NRXN1: variants seen among roughly 807,000 people sequenced by gnomAD.
The protein encoded by NRXN1 is neurexin 1.
Under a neutral mutation model 150.9 loss-of-function variants are expected in NRXN1, and 39 were observed. That is an observed-to-expected ratio of 0.26 (90% CI 0.20 to 0.34). NRXN1 has a LOEUF of 0.34. Ranked by LOEUF, NRXN1 falls within the 10% of genes least tolerant of loss-of-function variation. The pLI is 1.00. For synonymous variants in NRXN1, 924 were observed against 757.0 expected, an observed-to-expected ratio of 1.22 and a Z score of -3.62; for missense variants, 1,815 against 1,949.9, an observed-to-expected ratio of 0.93 and a Z score of 1.30.
intron 17 of NRXN1, among the ~76,000 whole-genome samples, chr2:50,454,765 T>C (rs1015125362): frequency 3.3e-5 from 5 of 151,214 alleles, no homozygotes; most frequent in African/African-American, 1.2e-4. Context: ...TTAATAAGTG[T>C]TATGAGAAAT....
chr2:50,370,188 C>T (rs575437169), intron 17 of NRXN1, among the ~76,000 whole-genome samples: 6 of 152,096 alleles, frequency 3.9e-5, no homozygotes, highest in African/African-American at 7.2e-5. Context: ...ATTGCAAATA[C>T]ATTAGGGCAG....
chr2:50,678,841 G>C, intron 5 of NRXN1, among the ~76,000 whole-genome samples: 1 of 152,048 alleles, frequency 6.6e-6, no homozygotes. Context: ...TGATTGAGCA[G>C]AGCAAATTAG....
At chr2:50,131,266 A>G (rs1364293571) in intron 18 of NRXN1, among the ~76,000 whole-genome samples, 1 of 152,200 alleles carries the variant, frequency 6.6e-6, no homozygotes, top group Non-Finnish European at 1.5e-5. Flanking sequence ...TTTGTCCCAG[A>G]GCATCTTAAA....
intron 2 of NRXN1, among the ~76,000 whole-genome samples, chr2:50,944,234 G>C (rs1489719709): frequency 1.3e-5 from 2 of 152,148 alleles, no homozygotes; most frequent in Non-Finnish European, 2.9e-5. Context: ...GAGAAGGGCT[G>C]ATCCATTTTA....
At position 49,969,540 on chromosome 2, in the gene NRXN1, CCTT is replaced by C. The variant is rs200070243; in HGVS notation, c.4129-25752_4129-25750del. 2.1e-4 allele frequency: 31 copies of C among 148,500 alleles called. No individual in the cohort carries two copies. In the East Asian group the frequency reaches 5.9e-3, roughly 28 times the overall value. 9.2% of individuals were successfully genotyped at this position (148,500 alleles called of 1,614,324 possible). A position where few individuals can be genotyped will look rare whatever the true frequency, so the allele number is the denominator to read the frequency against. On this transcript the variant is annotated intron_variant, in intron 21 of 22. Transcript: ENST00000401669. Reference sequence around the variant, plus strand: ...CCTTAGTTTTATATATGTAATTACACCTTATTATAAATACATTTTATTACATAT... The same window carrying C: ...CCTTAGTTTTATATATGTAATTACACATTATAAATACATTTTATTACATAT...
At chr2:50,087,739 A>G (rs1698992283) in intron 19 of NRXN1, among the ~76,000 whole-genome samples, 1 of 152,156 alleles carries the variant, frequency 6.6e-6, no homozygotes, top group Non-Finnish European at 1.5e-5. Context: ...TAAACTGTTG[A>G]GTTACAGGAA....
intron 5 of NRXN1, among the ~76,000 whole-genome samples, chr2:50,878,650 T>C (rs1469153694): frequency 6.6e-6 from 1 of 151,880 alleles, no homozygotes; most frequent in Admixed American, 6.6e-5. Flanking sequence ...GAAGAAGAAA[T>C]TGCTCATTCC....
At chr2:50,219,963 TTA>T (rs1358641617) in intron 18 of NRXN1, among the ~76,000 whole-genome samples, 182 of 60,696 alleles carry the variant, frequency 3.0e-3, no homozygotes, top group South Asian at 7.7e-3. Context: ...AATATATATA[TTA>T]TATATATATA....
At chr2:50,762,587 C>A (rs769814852) in intron 5 of NRXN1, among the ~76,000 whole-genome samples, 19 of 151,904 alleles carry the variant, frequency 1.3e-4, no homozygotes, top group African/African-American at 4.6e-4. Flanking sequence ...TGGGAACATA[C>A]GGTATTTGGT....
intron 17 of NRXN1, among the ~76,000 whole-genome samples, chr2:50,293,236 C>A (rs1415455617): frequency 6.6e-6 from 1 of 152,076 alleles, no homozygotes; most frequent in Non-Finnish European, 1.5e-5. Context: ...TCGCTCTGGA[C>A]TTCAGTTGTC....
At chr2:50,707,195 G>A (rs1379353403) in intron 5 of NRXN1, among the ~76,000 whole-genome samples, 2 of 152,134 alleles carry the variant, frequency 1.3e-5, no homozygotes, top group Admixed American at 1.3e-4. Flanking sequence ...GCATTTCCCA[G>A]TAAGCTGTTC....
intron 2 of NRXN1, among the ~76,000 whole-genome samples, chr2:51,013,025 T>C (rs1668123140): frequency 1.3e-5 from 2 of 151,956 alleles, no homozygotes; most frequent in East Asian, 1.9e-4. Context: ...CGGACTGAGA[T>C]GTAAGAGACA....
intron 15 of NRXN1, among the ~76,000 whole-genome samples, chr2:50,480,938 C>T (rs1263416882): frequency 6.6e-6 from 1 of 152,124 alleles, no homozygotes; most frequent in East Asian, 1.9e-4. Context: ...CTGACTTCAT[C>T]ATTATAATAA....
intron 5 of NRXN1, among the ~76,000 whole-genome samples, chr2:50,802,803 A>G (rs1038695813): frequency 1.3e-5 from 2 of 152,116 alleles, no homozygotes; most frequent in African/African-American, 4.8e-5. Flanking sequence ...AGGGAGGAGG[A>G]TGTGAAAATA....
chr2:50,254,964 A>C (rs780820150), intron 17 of NRXN1, among the ~76,000 whole-genome samples: 1 of 151,944 alleles, frequency 6.6e-6, no homozygotes, highest in African/African-American at 2.4e-5. Flanking sequence ...ACACTACCAC[A>C]CTTGGCTAAT....
At chr2:51,013,935 T>G (rs890990950) in intron 2 of NRXN1, among the ~76,000 whole-genome samples, 2 of 152,070 alleles carry the variant, frequency 1.3e-5, no homozygotes, top group East Asian at 3.9e-4. Flanking sequence ...TGCTTACAAA[T>G]GCAATGCTAT....
intron 22 of NRXN1, among the ~76,000 whole-genome samples, chr2:49,922,631 A>C (rs1668427737): frequency 6.6e-6 from 1 of 152,180 alleles, no homozygotes; most frequent in Non-Finnish European, 1.5e-5. Flanking sequence ...GAATCATAAG[A>C]ATCAAATAGG....
chr2:50,539,357 G>T (rs919644136), intron 9 of NRXN1, among the ~76,000 whole-genome samples: 1 of 152,116 alleles, frequency 6.6e-6, no homozygotes, highest in African/African-American at 2.4e-5. Context: ...AACCAAGCTA[G>T]TTATTTATTT....
chr2:50,619,370 C>T (rs1202035978), intron 8 of NRXN1: 1 of 151,994 alleles, frequency 6.6e-6, no homozygotes, highest in Non-Finnish European at 1.5e-5. Context: ...TCTTTCTCTC[C>T]CCAAAACCCA....
Sources: allele counts gnomAD v4.1 joint callset (sites outside exome capture counted in the v4.1 genomes callset), GRCh38; gene constraint gnomAD v4.1.1; transcripts MANE v1.5; gene names NCBI Gene and HGNC (gene_info 2026-07-23, HGNC 2026-07-21).